Variants in AGBL1 observed in about 807,000 individuals in gnomAD.
AGBL1 encodes AGBL carboxypeptidase 1, also known as cytosolic carboxypeptidase 4.
Under a neutral mutation model 118.9 loss-of-function variants are expected in AGBL1, and 130 were observed. The observed-to-expected ratio is 1.09, with a 90% CI of 0.95 to 1.26. AGBL1 has a LOEUF of 1.26. Among genes scored for constraint, AGBL1 ranks in the 50% most tolerant of loss-of-function variants. AGBL1 has a pLI of 0.00. For synonymous variants in AGBL1, 555 were observed against 478.9 expected, an observed-to-expected ratio of 1.16 and a Z score of -2.08; for missense variants, 1,584 against 1,298.1, an observed-to-expected ratio of 1.22 and a Z score of -3.38.
chr15:86,387,578 C>T (rs146128948), intron 17 of AGBL1, among the ~76,000 whole-genome samples: 432 of 152,182 alleles, frequency 2.8e-3, no homozygotes, highest in African/African-American at 8.0e-3. Context: ...AGGTCCTGAA[C>T]ATTAGTAGGA....
At chr15:86,977,134 A>G (rs962113022) in intron 23 of AGBL1, among the ~76,000 whole-genome samples, 2 of 151,968 alleles carry the variant, frequency 1.3e-5, no homozygotes, top group African/African-American at 4.8e-5. Context: ...TTCTGGTGCT[A>G]TAAGTTATGA....
intron 23 of AGBL1, among the ~76,000 whole-genome samples, chr15:86,970,230 GAGGCAGGAAAAAGAAAGAAACCCCA>G (rs1014082806): frequency 1.7e-4 from 26 of 151,786 alleles, no homozygotes; most frequent in African/African-American, 6.3e-4. Context: ...AATATACTGG[GAGGCAGGAAAAAGAAAGAAACCCCA>G]ATTTCAATAC....
chr15:86,612,377 C>T (rs2142392616), intron 21 of AGBL1, among the ~76,000 whole-genome samples: 1 of 145,240 alleles, frequency 6.9e-6, no homozygotes, highest in Non-Finnish European at 1.5e-5. Context: ...TGAATGGGCC[C>T]TGCCTTGGCC....
At chr15:86,867,666 A>G (rs1452279763) in intron 22 of AGBL1, among the ~76,000 whole-genome samples, 1 of 152,200 alleles carries the variant, frequency 6.6e-6, no homozygotes, top group Non-Finnish European at 1.5e-5. Context: ...TGGGGCTTAT[A>G]GTGCTAGATA....
intron 22 of AGBL1, among the ~76,000 whole-genome samples, chr15:86,810,991 G>A (rs2078780815): frequency 6.6e-6 from 1 of 152,208 alleles, no homozygotes; most frequent in Admixed American, 6.5e-5. Flanking sequence ...CATGAGCAAA[G>A]TCTCAAGAGA....
At chr15:86,590,003 CAATT>C (rs977327168) in intron 21 of AGBL1, among the ~76,000 whole-genome samples, 1 of 152,202 alleles carries the variant, frequency 6.6e-6, no homozygotes, top group Non-Finnish European at 1.5e-5. Context: ...GTTTGTTGAA[CAATT>C]AACTCACAAA....
At chr15:86,315,258 G>A (rs947554383) in intron 17 of AGBL1, among the ~76,000 whole-genome samples, 6 of 152,042 alleles carry the variant, frequency 3.9e-5, no homozygotes, top group Non-Finnish European at 7.4e-5. Flanking sequence ...TCAGGTGTAG[G>A]TATTGGAGTC....
At chr15:86,995,998 T>C (rs1368386192) in intron 24 of AGBL1, among the ~76,000 whole-genome samples, 2 of 152,192 alleles carry the variant, frequency 1.3e-5, no homozygotes, top group African/African-American at 2.4e-5. Flanking sequence ...TTGGATGAGT[T>C]TGCAATTTTC....
intron 24 of AGBL1, among the ~76,000 whole-genome samples, chr15:87,003,451 G>C (rs552631574): frequency 3.9e-5 from 6 of 151,936 alleles, no homozygotes; most frequent in Admixed American, 3.3e-4. Context: ...TTTTTGTTGT[G>C]TCTCTGCCAG....
At chr15:86,647,648 C>T (rs1403200429) in intron 21 of AGBL1, among the ~76,000 whole-genome samples, 1 of 152,128 alleles carries the variant, frequency 6.6e-6, no homozygotes, top group Non-Finnish European at 1.5e-5. Context: ...TTGCAGTGAG[C>T]CGAAATCACA....
chr15:86,845,397 C>T (rs962476320), intron 22 of AGBL1, among the ~76,000 whole-genome samples: 27 of 152,030 alleles, frequency 1.8e-4, no homozygotes, highest in African/African-American at 5.5e-4. Flanking sequence ...TATTGTTTAC[C>T]GTATGAACTG....
intron 22 of AGBL1, among the ~76,000 whole-genome samples, chr15:86,758,127 A>G (rs2077968210): frequency 6.6e-6 from 1 of 152,062 alleles, no homozygotes; most frequent in Non-Finnish European, 1.5e-5. Context: ...TGGAAACTAT[A>G]CTATAGCATT....
intron 22 of AGBL1, among the ~76,000 whole-genome samples, chr15:86,884,354 A>T (rs1296042392): frequency 2.0e-5 from 3 of 152,170 alleles, no homozygotes; most frequent in South Asian, 4.1e-4. Context: ...ACAAGATCTC[A>T]TCACGCTACA....
At chr15:86,826,956 C>A (rs905548016) in intron 22 of AGBL1, among the ~76,000 whole-genome samples, 12 of 151,836 alleles carry the variant, frequency 7.9e-5, no homozygotes, top group Non-Finnish European at 1.3e-4. Flanking sequence ...ATGTCTCAAC[C>A]TGTAGAAGTT....
At chr15:86,245,075 A>C (rs147497951) in intron 6 of AGBL1, among the ~76,000 whole-genome samples, 1,866 of 152,292 alleles carry the variant, frequency 0.012, 33 homozygotes, top group African/African-American at 0.043. Context: ...TAAAGAGAAA[A>C]AAACAAACAA....
At chr15:86,153,639 C>T (rs905625885) in intron 3 of AGBL1, among the ~76,000 whole-genome samples, 28 of 152,062 alleles carry the variant, frequency 1.8e-4, no homozygotes, top group African/African-American at 5.1e-4. Flanking sequence ...GCACATGTCC[C>T]CTAGAACTTA....
chr15:86,750,792 C>T (rs1281237991), intron 22 of AGBL1, among the ~76,000 whole-genome samples: 1 of 151,714 alleles, frequency 6.6e-6, no homozygotes, highest in Non-Finnish European at 1.5e-5. Context: ...CCTCTTCCCG[C>T]CTTCCACCCT....
intron 24 of AGBL1, among the ~76,000 whole-genome samples, chr15:86,992,059 T>C (rs939401125): frequency 3.3e-5 from 5 of 152,136 alleles, no homozygotes; most frequent in Non-Finnish European, 7.4e-5. Flanking sequence ...GGAAGCATGG[T>C]GCTGGCATCT....
chr15:86,228,932 T>C (rs1370489246), intron 6 of AGBL1, among the ~76,000 whole-genome samples: 1 of 152,226 alleles, frequency 6.6e-6, no homozygotes, highest in Non-Finnish European at 1.5e-5. Flanking sequence ...TCTGTGTCTA[T>C]GTAGGCTGGA....
Sources: allele counts gnomAD v4.1 joint callset (sites outside exome capture counted in the v4.1 genomes callset), GRCh38; gene constraint gnomAD v4.1.1; transcripts MANE v1.5; gene names NCBI Gene and HGNC (gene_info 2026-07-23, HGNC 2026-07-21).